Variants in EPHA5 observed in about 807,000 individuals in gnomAD.
The protein encoded by EPHA5 is EPH receptor A5, also known as ephrin type-A receptor 5.
EPHA5 carries 60 observed loss-of-function variants against 105.0 expected under a neutral mutation model. That is an observed-to-expected ratio of 0.57 (90% CI 0.46 to 0.71). The LOEUF is 0.71. Ranked by LOEUF, EPHA5 falls within the 30% of genes least tolerant of loss-of-function variation. The pLI is 0.00. For synonymous variants in EPHA5, 513 were observed against 449.1 expected (o/e 1.14, Z -1.80); for missense variants, 1,218 against 1,274.7 (o/e 0.96, Z 0.68).
intron 3 of EPHA5, among the ~76,000 whole-genome samples, chr4:65,564,254 T>C (rs968320600): frequency 2.6e-5 from 4 of 151,850 alleles, no homozygotes; most frequent in Non-Finnish European, 4.4e-5. Context: ...AAAGTACCCA[T>C]AGGAGTTCTT....
chr4:65,666,099 T>A (rs1448659085), intron 1 of EPHA5, among the ~76,000 whole-genome samples: 2 of 151,178 alleles, frequency 1.3e-5, no homozygotes, highest in Admixed American at 6.6e-5. Flanking sequence ...TAAAACAAAC[T>A]TTTTTTTTCC....
intron 4 of EPHA5, among the ~76,000 whole-genome samples, chr4:65,493,734 G>T (rs1271868468): frequency 6.6e-6 from 1 of 151,926 alleles, no homozygotes; most frequent in African/African-American, 2.4e-5. Flanking sequence ...AAAGTGCTAA[G>T]CAGTCCTTGC....
At chr4:65,362,650 T>G (rs534089663) in intron 11 of EPHA5, among the ~76,000 whole-genome samples, 1 of 151,708 alleles carries the variant, frequency 6.6e-6, no homozygotes, top group South Asian at 2.1e-4. Flanking sequence ...ATTCACAGAA[T>G]CTAGATATAG....
At chr4:65,391,801 T>C (rs1301565428) in intron 8 of EPHA5, among the ~76,000 whole-genome samples, 1 of 152,180 alleles carries the variant, frequency 6.6e-6, no homozygotes, top group Non-Finnish European at 1.5e-5. Context: ...TATTTTGCTC[T>C]TGTGGTTAGG....
intron 3 of EPHA5, among the ~76,000 whole-genome samples, chr4:65,522,526 T>C (rs1255071409): frequency 1.3e-5 from 2 of 151,870 alleles, no homozygotes; most frequent in Non-Finnish European, 2.9e-5. Context: ...TACAAGGTGA[T>C]TGCTTATTAA....
At chr4:65,630,665 T>C (rs1292049903) in intron 2 of EPHA5, among the ~76,000 whole-genome samples, 1 of 152,104 alleles carries the variant, frequency 6.6e-6, no homozygotes, top group Non-Finnish European at 1.5e-5. Flanking sequence ...CTCAGACTCT[T>C]CTTCTGCCTT....
chr4:65,528,906 G>A (rs1246141654), intron 3 of EPHA5, among the ~76,000 whole-genome samples: 2 of 152,040 alleles, frequency 1.3e-5, no homozygotes, highest in East Asian at 1.9e-4. Flanking sequence ...CAAATTATAG[G>A]ATAGTCCAGG....
chr4:65,568,021 G>A (rs1739735217), intron 3 of EPHA5, among the ~76,000 whole-genome samples: 1 of 151,192 alleles, frequency 6.6e-6, no homozygotes, highest in African/African-American at 2.4e-5. Flanking sequence ...ATGAATAATA[G>A]AAATTGAAAA....
chr4:65,525,929 G>T (rs561159264), intron 3 of EPHA5, among the ~76,000 whole-genome samples: 2 of 151,490 alleles, frequency 1.3e-5, no homozygotes, highest in Non-Finnish European at 3.0e-5. Flanking sequence ...ATTATAAAGA[G>T]ATGAACATTT....
chr4:65,367,263 C>A, intron 9 of EPHA5, 94 bp downstream of exon 9: 1 of 993,738 alleles, frequency 1.0e-6, no homozygotes, highest in South Asian at 1.6e-5. Flanking sequence ...ATATTTTGGT[C>A]AGTTATTATA....
Position 65,349,430 on chromosome 4 carries a change from C to T in EPHA5, c.2446-1227G>A, listed in dbSNP as rs186663890. ...ATTATTATTCTCTTAGCTTCAATAG[C>T]AGGCAAATCTAGATAATCAAATATT... On this transcript the variant is annotated intron_variant, in intron 13 of 16. Transcript: ENST00000613740. Among the ~76,000 whole-genome samples, 14 of 152,124 alleles carry T rather than the reference C, an allele frequency of 9.2e-5. No homozygotes were observed. The East Asian group carries it at 2.7e-3, about 29-fold the overall frequency.
chr4:65,493,922 C>T (rs1225580457), intron 4 of EPHA5, among the ~76,000 whole-genome samples: 5 of 152,106 alleles, frequency 3.3e-5, no homozygotes, highest in Non-Finnish European at 7.4e-5. Flanking sequence ...ACATGGTTTT[C>T]TCTTTAATTT....
At chr4:65,354,798 G>A (rs531979274) in intron 11 of EPHA5, among the ~76,000 whole-genome samples, 1 of 151,730 alleles carries the variant, frequency 6.6e-6, no homozygotes, top group South Asian at 2.1e-4. Flanking sequence ...GAATGTTTTA[G>A]TCCCATATCA....
At chr4:65,527,020 T>C (rs1735302674) in intron 3 of EPHA5, among the ~76,000 whole-genome samples, 1 of 151,992 alleles carries the variant, frequency 6.6e-6, no homozygotes, top group Non-Finnish European at 1.5e-5. Flanking sequence ...TAAATCAGAC[T>C]AAAAATCATT....
chr4:65,449,680 A>G (rs940849432), intron 5 of EPHA5, among the ~76,000 whole-genome samples: 23 of 152,150 alleles, frequency 1.5e-4, no homozygotes, highest in Admixed American at 6.5e-5. Flanking sequence ...GACCTTTGCA[A>G]AAATAGGGGC....
intron 7 of EPHA5, among the ~76,000 whole-genome samples, chr4:65,409,508 C>A (rs552571603): frequency 3.9e-5 from 6 of 152,090 alleles, no homozygotes; most frequent in African/African-American, 1.2e-4. Flanking sequence ...TTTAACTTCA[C>A]TTTGCTTCCC....
chr4:65,387,885 T>C (rs1215029643), intron 8 of EPHA5, among the ~76,000 whole-genome samples: 1 of 151,104 alleles, frequency 6.6e-6, no homozygotes, highest in East Asian at 2.0e-4. Flanking sequence ...GTTACATATG[T>C]ATACATGAGC....
At chr4:65,630,114 A>G (rs1454553770) in intron 2 of EPHA5, among the ~76,000 whole-genome samples, 2 of 151,112 alleles carry the variant, frequency 1.3e-5, no homozygotes, top group Non-Finnish European at 3.0e-5. Context: ...CACACCAGGA[A>G]TGTCAGGCAA....
chr4:65,573,410 CAAA>C (rs71657188), intron 3 of EPHA5: 7,482 of 648,546 alleles, frequency 0.012, no homozygotes, highest in South Asian at 0.012. Flanking sequence ...GACTCCGTCT[CAAA>C]AAAAAAAAAA....
Sources: gnomAD v4.1 joint callset for allele counts (sites outside exome capture counted in the v4.1 genomes callset) on GRCh38, gnomAD v4.1.1 for gene constraint, MANE v1.5 for transcripts, NCBI Gene and HGNC (gene_info 2026-07-23, HGNC 2026-07-21) for gene names.